Variants in TRMU observed in about 807,000 individuals in gnomAD.
TRMU encodes the protein tRNA mitochondrial 2-thiouridylase.
Under a neutral mutation model 46.9 loss-of-function variants are expected in TRMU, and 49 were observed. The observed-to-expected ratio is 1.05, with a 90% CI of 0.83 to 1.33. The LOEUF (loss-of-function observed/expected upper bound fraction) is 1.33, where lower values mean the gene tolerates loss of function less well. TRMU is among the 40% of genes most tolerant of loss of function. The pLI is 0.00. For missense variants in TRMU, 572 were observed against 532.4 expected (o/e 1.07, Z -0.73); for synonymous variants, 241 against 200.9 (o/e 1.20, Z -1.69).
At position 46,335,753 on chromosome 22, in the gene TRMU, G is replaced by A; in HGVS notation, c.-12G>A. 1 of 1,548,734 alleles carries A rather than the reference G, an allele frequency of 6.5e-7. No homozygotes were observed. Among genetic ancestry groups the A allele is most frequent in the Non-Finnish European group, 8.7e-7 (1 of 1,150,648 alleles). The stretch of plus-strand genomic sequence containing the variant: ...GCGGTAGCTGCAGCTGGCGAAGTTG[G>A]GCGACTGGCGGATGCAGGCCTTGCG... On this transcript the variant is annotated 5_prime_UTR_variant, in exon 1 of 11. Coordinates refer to ENST00000645190, the MANE Select transcript of TRMU (RefSeq NM_018006.5).
rs529396799 is a variant in TRMU at position 46,349,819 on chromosome 22, C to G, written c.479-472C>G. On this transcript the variant is annotated intron_variant, in intron 4 of 10. Transcript: ENST00000645190. The surrounding 1 kb of genome is among the most constrained non-coding windows in gnomAD (Gnocchi z 4.6). ...GCTGCTGGAGGCATGTGCTGGCCGC[C>G]GGGCAGTGAACCTGGAAAGTGTAGA... is the stretch of plus-strand genomic sequence containing the variant. 6.6e-6 allele frequency among the ~76,000 whole-genome samples: 1 copy of G among 152,162 alleles called. No individual in the cohort carries two copies. The highest frequency in any genetic ancestry group is 1.5e-5 in the Non-Finnish European group (1 of 68,028).
rs2077974773 is a variant in TRMU at position 46,336,277 on chromosome 22, T to A, written c.82+431T>A. 1 of 395,152 alleles carries A rather than the reference T, an allele frequency of 2.5e-6. No homozygotes were observed. Among genetic ancestry groups the A allele is most frequent in the African/African-American group, 2.2e-5 (1 of 45,172 alleles). 24.5% of individuals were successfully genotyped at this position (395,152 alleles called of 1,614,324 possible). On this transcript the variant is annotated intron_variant, in intron 1 of 10. Coordinates refer to ENST00000645190, the MANE Select transcript of TRMU (RefSeq NM_018006.5). This position sits in a 1 kb window ranked among gnomAD's most constrained non-coding sequence, Gnocchi z 4.1. ...GCCGCCCGGTGGGAGGTCCTTGTCCTCCCCACTCAGCAGACTGGACAACTG... is the reference window on the plus strand; with the variant it reads ...GCCGCCCGGTGGGAGGTCCTTGTCCACCCCACTCAGCAGACTGGACAACTG...
intron 7 of TRMU, 56 bp from the exon 8 acceptor site, chr22:46,353,711 T>A: frequency 1.3e-6 from 2 of 1,535,968 alleles, no homozygotes; most frequent in Non-Finnish European, 1.8e-6. Flanking sequence ...TGATGAGGCG[T>A]GACATGTGGG....
chr22:46,356,649 G>A (rs945284534), intron 10 of TRMU, 193 bp from the exon 11 acceptor site: 2 of 639,604 alleles, frequency 3.1e-6, no homozygotes, highest in Non-Finnish European at 5.4e-6. Context: ...ACCCTCCCTA[G>A]TGAAGCCACT....
In TRMU at chr22:46,347,890, A is replaced by G. The variant is rs114624225; in HGVS notation, c.478+1346A>G. ...ATCCTGAAGGCTGCAGTGATGGGGC[A>G]GGGCCGTGCTTGGTCAAGGGAGCCC... On this transcript the variant is annotated intron_variant, in intron 4 of 10. Transcript: ENST00000645190. This position sits in a 1 kb window ranked among gnomAD's most constrained non-coding sequence, Gnocchi z 5.0. 0.013 allele frequency among the ~76,000 whole-genome samples: 1,994 copies of G among 152,296 alleles called. 46 individuals carry two copies. The highest frequency in any genetic ancestry group is 0.046 in the African/African-American group (1,925 of 41,538).
rs376590074 is a variant in TRMU, at chr22:46,341,402, CAA to C, written c.249-1859_249-1858del. Among the ~76,000 whole-genome samples the C allele has an allele frequency of 1.0e-3, 152 of 152,046 alleles. 1 individual carries two copies. Among genetic ancestry groups the C allele is most frequent in the African/African-American group, 3.0e-3 (125 of 41,482 alleles). On this transcript the variant is annotated intron_variant, in intron 2 of 10. Transcript: ENST00000645190. ...CAAAATGGAAAGAGTGTAATAATAT[CAA>C]GTGTTGTTGCAAATGTGGAAAAACA...
At chr22:46,353,703 A>G in intron 7 of TRMU, 64 bp from the exon 8 acceptor site, 1 of 1,488,284 alleles carries the variant, frequency 6.7e-7, no homozygotes, top group Non-Finnish European at 9.4e-7. Flanking sequence ...TGCCTTCATG[A>G]TGAGGCGTGA....
rs1045074869 is a variant in TRMU at position 46,342,027 on chromosome 22, G to T, written c.249-1235G>T. 6.6e-6 allele frequency among the ~76,000 whole-genome samples: 1 copy of T among 152,170 alleles called. No individual in the cohort carries two copies. Among genetic ancestry groups the T allele is most frequent in the East Asian group, 1.9e-4 (1 of 5,188 alleles). On this transcript the variant is annotated intron_variant, in intron 2 of 10. Transcript: ENST00000645190. The surrounding 1 kb of genome is among the most constrained non-coding windows in gnomAD (Gnocchi z 4.7). Reference sequence around the variant, plus strand: ...GGCTTCTGTGACAAAGGTGTGGGGGGTTTTCCCCATACAGCAAGCAGTGGA... The same window carrying T: ...GGCTTCTGTGACAAAGGTGTGGGGGTTTTTCCCCATACAGCAAGCAGTGGA...
intron 5 of TRMU, 116 bp from the exon 6 acceptor site, chr22:46,352,005 T>C: frequency 1.6e-6 from 2 of 1,218,064 alleles, no homozygotes; most frequent in Non-Finnish European, 2.4e-6. Context: ...GCCCCTACCC[T>C]GGAAGCAAAG....
In TRMU at chr22:46,338,616, G is replaced by A. The variant is rs1242679104; in HGVS notation, c.248+672G>A. On this transcript the variant is annotated intron_variant, in intron 2 of 10. Transcript: ENST00000645190. The surrounding 1 kb of genome is among the most constrained non-coding windows in gnomAD (Gnocchi z 4.5). ...GTGGAGTAATCAAGAAGGCTTCACC[G>A]GAGAGGAGGGGTTGCAAACAAAGTT... 1.3e-5 allele frequency among the ~76,000 whole-genome samples: 2 copies of A among 152,250 alleles called. No homozygotes were observed. The highest frequency in any genetic ancestry group is 4.8e-5 in the African/African-American group (2 of 41,468).
At chr22:46,354,175 G>A (rs1390045109) in intron 8 of TRMU, 1 of 363,990 alleles carries the variant, frequency 2.7e-6, no homozygotes, top group African/African-American at 2.1e-5. Context: ...CTCATCCGGT[G>A]GAGAGGGCAT....
Position 46,338,513 on chromosome 22 carries a change from T to G in TRMU, c.248+569T>G, listed in dbSNP as rs1206018239. Among the ~76,000 whole-genome samples the G allele has an allele frequency of 6.6e-6, 1 of 152,074 alleles. No individual in the cohort carries two copies. Among genetic ancestry groups the G allele is most frequent in the African/African-American group, 2.4e-5 (1 of 41,400 alleles). ...GGGAGGACATTATCTTCACAAGAGG[T>G]GACAGTGATGCGTGGCACGCAGGAA... On this transcript the variant is annotated intron_variant, in intron 2 of 10. Transcript: ENST00000645190. This position sits in a 1 kb window ranked among gnomAD's most constrained non-coding sequence, Gnocchi z 4.5.
At chr22:46,343,175 A>T in intron 2 of TRMU, 87 bp from the exon 3 acceptor site, 2 of 930,736 alleles carry the variant, frequency 2.1e-6, no homozygotes, top group Middle Eastern at 2.4e-4. Context: ...AGGGGAAATT[A>T]CATTAAACAA....
chr22:46,341,529 C>G (rs2078123020), intron 2 of TRMU, among the ~76,000 whole-genome samples: 1 of 151,816 alleles, frequency 6.6e-6, no homozygotes, highest in South Asian at 2.1e-4. Flanking sequence ...CTGTGCAGAT[C>G]TGTGATATGT....
Position 46,353,853 on chromosome 22 carries a change from G to A in TRMU, c.859G>A (p.Gly287Ser). The change falls in exon 8 of 11, where the codon GGT (glycine) becomes AGT (serine). Residue 287 changes from glycine (G) to serine (S), a missense_variant. Gly to Ser is a moderately conservative substitution (Grantham distance 56, BLOSUM62 0). Coordinates refer to ENST00000645190, the MANE Select transcript of TRMU (RefSeq NM_018006.5). ...CGTGGTGGAGAAGGACAGCGTCAAG[G>A]GTGACGTGTTTGTGGTGAGTGGGCC... is the stretch of plus-strand genomic sequence containing the variant. ...WYVVEKDSVKGDVFVAPRTDH... is the reference protein window; with the variant it reads ...WYVVEKDSVKSDVFVAPRTDH... 1 of 1,613,786 alleles carries A rather than the reference G, an allele frequency of 6.2e-7. No individual in the cohort carries two copies. The highest frequency in any genetic ancestry group is 1.7e-5 in the Admixed American group (1 of 60,016).
rs904867426 is a variant in TRMU at position 46,348,656 on chromosome 22, C to T, written c.479-1635C>T. The stretch of plus-strand genomic sequence containing the variant: ...CAGGCAGCCTCCTCCAAATGTTGTT[C>T]ATTCCTTTCTGTGCTTTTTCCTCTA... On this transcript the variant is annotated intron_variant, in intron 4 of 10. Coordinates refer to ENST00000645190, the MANE Select transcript of TRMU (RefSeq NM_018006.5). This position sits in a 1 kb window ranked among gnomAD's most constrained non-coding sequence, Gnocchi z 4.8. Among the ~76,000 whole-genome samples the T allele has an allele frequency of 1.3e-5, 2 of 152,264 alleles. No individual in the cohort carries two copies. The highest frequency in any genetic ancestry group is 2.9e-5 in the Non-Finnish European group (2 of 68,044).
rs543588594 is a variant in TRMU, at chr22:46,356,872, C to T, written c.1132C>T (p.Leu378=). ...TGTGTTCTACAAGGGGGACGAGTGC[C>T]TGGGCAGCGGGAAGATCCTGCGGCT... ...FAVFYKGDEC[L]GSGKILRLGP... Residue 378 remains leucine, a synonymous_variant, in exon 11 of 11, where the codon CTG becomes TTG. Coordinates refer to ENST00000645190, the MANE Select transcript of TRMU (RefSeq NM_018006.5). 1 of 1,613,458 alleles carries T rather than the reference C, an allele frequency of 6.2e-7. No individual in the cohort carries two copies. Among genetic ancestry groups the T allele is most frequent in the African/African-American group, 1.3e-5 (1 of 75,062 alleles).
chr22:46,335,826 C>A lies in TRMU; in HGVS notation c.62C>A (p.Ala21Glu). The change falls in exon 1 of 11, where the codon GCG (alanine) becomes GAG (glutamate). Residue 21 changes from alanine (A) to glutamate (E), a missense_variant. By Grantham distance (107) the Ala-to-Glu change is moderately radical. Coordinates refer to ENST00000645190, the MANE Select transcript of TRMU (RefSeq NM_018006.5). ...LSGGVDSAVA[A>E]LLLRRRGYQV... The stretch of plus-strand genomic sequence containing the variant: ...GGCGGCGTGGACAGCGCCGTGGCCG[C>A]GCTGCTGCTGAGGCGGAGAGGTGAG... 1 of 1,554,646 alleles carries A rather than the reference C, an allele frequency of 6.4e-7. No individual in the cohort carries two copies. The highest frequency in any genetic ancestry group is 1.2e-5 in the South Asian group (1 of 85,342).
At chr22:46,353,321 C>CCAT (rs1158510008) in intron 7 of TRMU, 1 of 218,076 alleles carries the variant, frequency 4.6e-6, no homozygotes, top group Non-Finnish European at 9.4e-6. Flanking sequence ...AGTGAGTTTG[C>CCAT]CATCTGCTGT....
Sources: allele counts gnomAD v4.1 joint callset (sites outside exome capture counted in the v4.1 genomes callset), GRCh38; gene constraint gnomAD v4.1.1; non-coding constraint Gnocchi (gnomAD v3.1); transcripts MANE v1.5; gene names NCBI Gene and HGNC (gene_info 2026-07-23, HGNC 2026-07-21).